Variants in NRXN3 observed in about 807,000 individuals in gnomAD.
The protein encoded by NRXN3 is neurexin III.
In NRXN3, 32 loss-of-function variants were observed where a neutral mutation model predicts 137.6. The ratio of observed to expected loss-of-function variants is 0.23; its 90% CI spans 0.18 to 0.31. NRXN3 has a LOEUF of 0.31. NRXN3 is among the 10% of genes least tolerant of loss of function. NRXN3 has a pLI of 1.00. For missense variants in NRXN3, 1,574 were observed against 2,062.5 expected, an observed-to-expected ratio of 0.76 and a Z score of 4.59; for synonymous variants, 798 against 784.5, an observed-to-expected ratio of 1.02 and a Z score of -0.29.
At chr14:79,451,187 A>AT (rs1041262696) in intron 15 of NRXN3, among the ~76,000 whole-genome samples, 203 of 151,454 alleles carry the variant, frequency 1.3e-3, no homozygotes, top group African/African-American at 4.8e-3. Flanking sequence ...AAAAAAAAAA[A>AT]GCTCAGGATA....
chr14:79,530,010 T>C (rs2097155654), intron 16 of NRXN3, among the ~76,000 whole-genome samples: 1 of 152,206 alleles, frequency 6.6e-6, no homozygotes, highest in African/African-American at 2.4e-5. Context: ...CTTTCATGTT[T>C]ATTTTCTGTA....
At chr14:79,781,151 ATGC>A (rs1168715634) in intron 19 of NRXN3, among the ~76,000 whole-genome samples, 1 of 152,126 alleles carries the variant, frequency 6.6e-6, no homozygotes, top group Non-Finnish European at 1.5e-5. Context: ...GTCTTGTGAG[ATGC>A]TGAAGTTATT....
Position 78,966,074 on chromosome 14 carries a change from G to T in NRXN3, c.2445G>T (p.Thr815=), listed in dbSNP as rs371473443. The T allele has an allele frequency of 6.2e-7, 1 of 1,614,030 alleles. No homozygotes were observed. Among genetic ancestry groups the T allele is most frequent in the Non-Finnish European group, 8.5e-7 (1 of 1,180,030 alleles). ...HTRLEFHNIE[T]GIMTEKRYIS... is the part of the protein sequence containing the mutation. ...GTTTGGAGTTCCACAACATTGAAAC[G>T]GGAATCATGACTGAGAAACGCTACA... Residue 815 remains threonine, a synonymous_variant, in exon 12 of 21, where the codon ACG becomes ACT. Transcript: ENST00000335750.
intron 5 of NRXN3, among the ~76,000 whole-genome samples, chr14:78,647,084 C>G (rs1204368963): frequency 6.6e-6 from 1 of 152,210 alleles, no homozygotes; most frequent in Non-Finnish European, 1.5e-5. Flanking sequence ...CTCTCTCCCA[C>G]CACCCTTCCT....
intron 16 of NRXN3, among the ~76,000 whole-genome samples, chr14:79,498,965 A>G (rs949641933): frequency 2.0e-5 from 3 of 152,176 alleles, no homozygotes; most frequent in Non-Finnish European, 4.4e-5. Flanking sequence ...TTTTCTTTCT[A>G]TAGAAATGGA....
intron 15 of NRXN3, among the ~76,000 whole-genome samples, chr14:79,309,088 G>A (rs1382866987): frequency 5.9e-5 from 4 of 67,758 alleles, no homozygotes; most frequent in African/African-American, 2.5e-4. Flanking sequence ...CCCCTCCCCC[G>A]ACCCCACCAC....
At chr14:78,274,283 A>G (rs2073244545) in intron 2 of NRXN3, among the ~76,000 whole-genome samples, 1 of 152,216 alleles carries the variant, frequency 6.6e-6, no homozygotes, top group South Asian at 2.1e-4. Context: ...TCAGTTCTGC[A>G]GGGCTGGGGA....
intron 4 of NRXN3, among the ~76,000 whole-genome samples, chr14:78,429,334 C>A (rs1449151743): frequency 6.6e-6 from 1 of 152,138 alleles, no homozygotes. Context: ...CCGCCTCGGC[C>A]TCCCAAAGTG....
intron 15 of NRXN3, among the ~76,000 whole-genome samples, chr14:79,430,250 A>G (rs2095726442): frequency 6.6e-6 from 1 of 152,148 alleles, no homozygotes; most frequent in African/African-American, 2.4e-5. Context: ...AAGCCTCCTT[A>G]TATCTTGAAG....
chr14:79,318,643 T>G (rs974964473), intron 15 of NRXN3, among the ~76,000 whole-genome samples: 60 of 152,084 alleles, frequency 3.9e-4, no homozygotes, highest in Non-Finnish European at 1.3e-4. Flanking sequence ...TTATTGGGAG[T>G]GTTCCTTTAC....
chr14:79,362,115 A>G (rs2093705845), intron 15 of NRXN3, among the ~76,000 whole-genome samples: 1 of 149,852 alleles, frequency 6.7e-6, no homozygotes, highest in Non-Finnish European at 1.5e-5. Flanking sequence ...GCGGGCCACC[A>G]TGCCCAGCTA....
At chr14:78,708,206 C>T (rs1447451777) in intron 6 of NRXN3, among the ~76,000 whole-genome samples, 1 of 152,218 alleles carries the variant, frequency 6.6e-6, no homozygotes, top group Non-Finnish European at 1.5e-5. Flanking sequence ...TACCTACCCA[C>T]TCTGCAGGAC....
chr14:78,986,112 A>G (rs1201724394), intron 14 of NRXN3, among the ~76,000 whole-genome samples: 1 of 152,168 alleles, frequency 6.6e-6, no homozygotes, highest in Non-Finnish European at 1.5e-5. Context: ...TCTCTTTTGA[A>G]CATGCGTCTT....
intron 15 of NRXN3, among the ~76,000 whole-genome samples, chr14:79,096,063 C>G (rs2050265995): frequency 6.6e-6 from 1 of 151,750 alleles, no homozygotes; most frequent in Non-Finnish European, 1.5e-5. Flanking sequence ...GAGGCCCCTC[C>G]TCCTTCCCTG....
chr14:78,466,844 A>G (rs2095120895), intron 4 of NRXN3, among the ~76,000 whole-genome samples: 2 of 152,212 alleles, frequency 1.3e-5, no homozygotes, highest in Admixed American at 1.3e-4. Context: ...GAACAACTTA[A>G]TACAGAGTTT....
chr14:79,630,190 T>A (rs995499917), intron 16 of NRXN3, among the ~76,000 whole-genome samples: 1 of 152,172 alleles, frequency 6.6e-6, no homozygotes, highest in Non-Finnish European at 1.5e-5. Context: ...AATGGTGCCT[T>A]TATGGCCCAA....
intron 6 of NRXN3, among the ~76,000 whole-genome samples, chr14:78,684,236 T>C (rs1268004688): frequency 1.3e-5 from 2 of 152,114 alleles, no homozygotes; most frequent in Admixed American, 1.3e-4. Context: ...AGGCCCTGGA[T>C]GTGTGGAGTA....
chr14:79,305,694 C>T (rs2153225525), intron 15 of NRXN3, among the ~76,000 whole-genome samples: 1 of 152,198 alleles, frequency 6.6e-6, no homozygotes, highest in African/African-American at 2.4e-5. Flanking sequence ...CTAATACCTT[C>T]CACATATTTT....
At chr14:79,458,233 T>A (rs1284372829) in intron 15 of NRXN3, among the ~76,000 whole-genome samples, 1 of 152,156 alleles carries the variant, frequency 6.6e-6, no homozygotes, top group African/African-American at 2.4e-5. Context: ...AAAATGGGTG[T>A]GATTTTCTTA....
Sources: allele counts gnomAD v4.1 joint callset (sites outside exome capture counted in the v4.1 genomes callset), GRCh38; gene constraint gnomAD v4.1.1; transcripts MANE v1.5; gene names NCBI Gene and HGNC (gene_info 2026-07-23, HGNC 2026-07-21).